The following ZNF709 variants were observed in gnomAD, a reference collection of about 807,000 sequenced individuals.
The protein encoded by ZNF709 is zinc finger protein 709.
In ZNF709, 15 loss-of-function variants were observed where a neutral mutation model predicts 10.6. The ratio of observed to expected loss-of-function variants is 1.41; its 90% CI spans 0.95 to 2.18. The LOEUF is 2.18. Among genes scored for constraint, ZNF709 ranks in the 30% most tolerant of loss-of-function variants. The pLI, the probability that ZNF709 is intolerant of heterozygous loss-of-function variation, is 0.00. For missense variants in ZNF709, 589 were observed against 774.0 expected, an observed-to-expected ratio of 0.76 and a Z score of 2.84; for synonymous variants, 194 against 238.8, an observed-to-expected ratio of 0.81 and a Z score of 1.73.
intron 1 of ZNF709, among the ~76,000 whole-genome samples, chr19:12,472,388 G>A (rs2144998163): frequency 6.6e-6 from 1 of 151,890 alleles, no homozygotes; most frequent in East Asian, 1.9e-4. Context: ...CAGGCATGGT[G>A]GTGGGCACCT....
intron 1 of ZNF709, among the ~76,000 whole-genome samples, chr19:12,478,639 G>C (rs1970695297): frequency 2.0e-5 from 3 of 152,216 alleles, no homozygotes; most frequent in Admixed American, 2.0e-4. Flanking sequence ...GGTATGAAAA[G>C]ACTCACTACT....
At chr19:12,479,726 C>T (rs755277300) in intron 1 of ZNF709, among the ~76,000 whole-genome samples, 1 of 151,902 alleles carries the variant, frequency 6.6e-6, no homozygotes, top group Non-Finnish European at 1.5e-5. Context: ...AAAAATTAGC[C>T]GGGCGTGGTG....
chr19:12,483,983 CCTT>C (rs1333830406), intron 1 of ZNF709, among the ~76,000 whole-genome samples: 12 of 152,146 alleles, frequency 7.9e-5, no homozygotes, highest in African/African-American at 2.9e-4. Flanking sequence ...AGCTTCAAGT[CCTT>C]CTCCTCTGTT....
chr19:12,483,331 T>C (rs1412637184), intron 1 of ZNF709, among the ~76,000 whole-genome samples: 4 of 145,104 alleles, frequency 2.8e-5, no homozygotes, highest in South Asian at 2.2e-4. Context: ...TTTTTTTTTT[T>C]CTAGTAGAGA....
Position 12,465,221 on chromosome 19 carries a change from C to A in ZNF709, c.701G>T (p.Ser234Ile), listed in dbSNP as rs1599631269. Residue 234 changes from serine to isoleucine, a missense_variant, in exon 4 of 4, where the codon AGT becomes ATT. Coordinates refer to ENST00000397732, the MANE Select transcript of ZNF709 (RefSeq NM_152601.4). ...ATGATTTCGAAAAGAACTGGGATGA[C>A]TGAACGTTTTCCCGCATTCTTTACA... The part of the protein sequence containing the change: ...YKCKECGKTF[S>I]HPSSFRNHER... 1 of 1,613,090 alleles carries A rather than the reference C, an allele frequency of 6.2e-7. No homozygotes were observed. The highest frequency in any genetic ancestry group is 8.5e-7 in the Non-Finnish European group (1 of 1,179,186).
chr19:12,467,739 G>A (rs1259031593), intron 1 of ZNF709, among the ~76,000 whole-genome samples: 25 of 150,616 alleles, frequency 1.7e-4, no homozygotes, highest in Admixed American at 1.1e-3. Context: ...GGTGGGGAGC[G>A]CCTCTGCCCC....
chr19:12,479,710 A>G (rs1970706024), intron 1 of ZNF709, among the ~76,000 whole-genome samples: 1 of 152,106 alleles, frequency 6.6e-6, no homozygotes, highest in South Asian at 2.1e-4. Context: ...CTCTACTAAA[A>G]TACAAAAAAA....
At chr19:12,469,380 T>C (rs1970614635) in intron 1 of ZNF709, among the ~76,000 whole-genome samples, 1 of 152,206 alleles carries the variant, frequency 6.6e-6, no homozygotes, top group African/African-American at 2.4e-5. Flanking sequence ...ACCCAGTGTT[T>C]CTTTTTTCTC....
chr19:12,473,322 C>T (rs547116567), intron 1 of ZNF709, among the ~76,000 whole-genome samples: 3 of 152,304 alleles, frequency 2.0e-5, no homozygotes, highest in African/African-American at 7.2e-5. Context: ...ACTCAAAAAC[C>T]TTTTCATTGT....
intron 3 of ZNF709, among the ~76,000 whole-genome samples, chr19:12,466,066 G>T (rs985062623): frequency 3.3e-5 from 5 of 151,356 alleles, no homozygotes; most frequent in Admixed American, 2.6e-4. Flanking sequence ...TCAGCTTCAT[G>T]AGTAGCTGGG....
At chr19:12,469,237 C>T (rs1970613494) in intron 1 of ZNF709, among the ~76,000 whole-genome samples, 1 of 152,180 alleles carries the variant, frequency 6.6e-6, no homozygotes, top group Admixed American at 6.5e-5. Flanking sequence ...GTGCAACTTG[C>T]AACAACATCC....
At chr19:12,468,128 G>A (rs1402055069) in intron 1 of ZNF709, among the ~76,000 whole-genome samples, 1 of 151,194 alleles carries the variant, frequency 6.6e-6, no homozygotes, top group Non-Finnish European at 1.5e-5. Context: ...GGGCGCCTCT[G>A]CCTGGCCGCC....
intron 1 of ZNF709, among the ~76,000 whole-genome samples, chr19:12,478,876 C>T (rs1479612793): frequency 1.3e-5 from 2 of 152,164 alleles, no homozygotes; most frequent in Non-Finnish European, 2.9e-5. Flanking sequence ...AGAAGGGTGA[C>T]GCTTATGATG....
At position 12,464,747 on chromosome 19, in the gene ZNF709, T is replaced by C. The variant is rs755487038; in HGVS notation, c.1175A>G (p.Tyr392Cys). The C allele has an allele frequency of 4.3e-6, 7 of 1,613,544 alleles. No homozygotes were observed. Among genetic ancestry groups the C allele is most frequent in the Non-Finnish European group, 5.9e-6 (7 of 1,179,794 alleles). The change falls in exon 4 of 4, where the codon TAT becomes TGT. Residue 392 changes from tyrosine (Y) to cysteine (C), a missense_variant. Around this residue, in one of 2 missense-constraint regions of ZNF709, gnomAD observed 418 missense variants for 496.3 expected, o/e 0.84. Coordinates refer to ENST00000397732, the MANE Select transcript of ZNF709 (RefSeq NM_152601.4). Reference protein sequence around the residue: ...HERTHTGEKPYECKQCGKAFS... With the variant: ...HERTHTGEKPCECKQCGKAFS... ...GGCTTTACCACACTGTTTACATTCATAGGGTTTCTCTCCAGTGTGAGTTCG... is the reference window on the plus strand; with the variant it reads ...GGCTTTACCACACTGTTTACATTCACAGGGTTTCTCTCCAGTGTGAGTTCG...
chr19:12,480,600 G>A (rs976785514), intron 1 of ZNF709, among the ~76,000 whole-genome samples: 65 of 151,580 alleles, frequency 4.3e-4, no homozygotes, highest in Middle Eastern at 3.4e-3. Flanking sequence ...GGAGAATGGC[G>A]TGAACCTGGG....
At chr19:12,484,129 T>C (rs954798790) in intron 1 of ZNF709, among the ~76,000 whole-genome samples, 9 of 152,216 alleles carry the variant, frequency 5.9e-5, no homozygotes, top group South Asian at 2.1e-4. Context: ...AGAGAAGACA[T>C]TGGCATTTGA....
chr19:12,484,521 C>A, intron 1 of ZNF709, 134 bp downstream of exon 1: 1 of 1,241,748 alleles, frequency 8.1e-7, no homozygotes, highest in South Asian at 1.4e-5. Context: ...GAGGGCCGAG[C>A]TGCGCCAGGA....
At chr19:12,478,212 T>C (rs1322686848) in intron 1 of ZNF709, among the ~76,000 whole-genome samples, 3 of 152,194 alleles carry the variant, frequency 2.0e-5, no homozygotes, top group Non-Finnish European at 2.9e-5. Context: ...GTCTTTCCCA[T>C]GAGCACCTTG....
chr19:12,472,100 G>A (rs527872799), intron 1 of ZNF709, among the ~76,000 whole-genome samples: 2 of 152,174 alleles, frequency 1.3e-5, no homozygotes, highest in Admixed American at 1.3e-4. Context: ...GAGGCAGGAG[G>A]ATCATATGAA....
Sources: gnomAD v4.1 joint callset for allele counts (sites outside exome capture counted in the v4.1 genomes callset) on GRCh38, gnomAD v4.1.1 for gene constraint, gnomAD v4.1.1 regional missense constraint, MANE v1.5 for transcripts, NCBI Gene and HGNC (gene_info 2026-07-23, HGNC 2026-07-21) for gene names.